COTL1: variants seen among roughly 807,000 people sequenced by gnomAD.
The protein encoded by COTL1 is coactosin-like protein.
COTL1 carries 15 observed loss-of-function variants against 16.5 expected under a neutral mutation model. The observed-to-expected ratio is 0.91, with a 90% CI of 0.61 to 1.40. COTL1 has a LOEUF of 1.40. Ranked by LOEUF, COTL1 falls within the 40% of genes most tolerant of loss-of-function variation. The probability of loss-of-function intolerance (pLI) is 0.00; values close to 1 mark genes in which losing one functional copy is unlikely to be tolerated. For synonymous variants in COTL1, 112 were observed against 85.3 expected (o/e 1.31, Z -1.73); for missense variants, 220 against 201.5 (o/e 1.09, Z -0.56).
At chr16:84,587,003 C>T (rs557678109) in intron 3 of COTL1, among the ~76,000 whole-genome samples, 15 of 152,304 alleles carry the variant, frequency 9.8e-5, no homozygotes, top group African/African-American at 1.7e-4. Context: ...CCTTTCCTCC[C>T]GGCGACGTCC....
intron 2 of COTL1, among the ~76,000 whole-genome samples, chr16:84,600,734 GATCCCCGATTCATTGC>G (rs762610556): frequency 2.0e-5 from 3 of 152,172 alleles, no homozygotes; most frequent in Non-Finnish European, 4.4e-5. Context: ...CTCCTCAAAT[GATCCCCGATTCATTGC>G]ATTTTCACTA....
At chr16:84,581,164 A>ATGTATGTATGTATGTATGTATGT (rs1391540848) in intron 3 of COTL1, among the ~76,000 whole-genome samples, 4,498 of 146,898 alleles carry the variant, frequency 0.031, 98 homozygotes, top group African/African-American at 0.062. Context: ...CAAACAAATA[A>ATGTATGTATGTATGTATGTATGT]ATATATGTAT....
chr16:84,571,013 A>G (rs1904327000), intron 3 of COTL1, among the ~76,000 whole-genome samples: 1 of 150,526 alleles, frequency 6.6e-6, no homozygotes, highest in Non-Finnish European at 1.5e-5. Flanking sequence ...AACTTTAAAC[A>G]TTTCTGAAGA....
At position 84,606,434 on chromosome 16, in the gene COTL1, G is replaced by A. The variant is rs149699463; in HGVS notation, c.160+11067C>T. On this transcript the variant is annotated intron_variant, in intron 2 of 3. Transcript: ENST00000262428. ...CAGGCTGCCAGGTACTGTTCCCAGC[G>A]CTGCCAATACTGCAGAGAACAAAGC... is the stretch of plus-strand genomic sequence containing the variant. 1.3e-3 allele frequency among the ~76,000 whole-genome samples: 197 copies of A among 152,368 alleles called. 1 individual carries two copies. The highest frequency in any genetic ancestry group is 3.7e-3 in the African/African-American group (155 of 41,584).
At chr16:84,588,904 G>T (rs1229695012) in intron 3 of COTL1, among the ~76,000 whole-genome samples, 3 of 152,070 alleles carry the variant, frequency 2.0e-5, no homozygotes, top group Non-Finnish European at 4.4e-5. Context: ...GCATTTTCAT[G>T]ACCTCAAAAA....
At position 84,579,423 on chromosome 16, in the gene COTL1, G is replaced by A. The variant is rs368959705; in HGVS notation, c.318+10682C>T. ...GAATCACTTGAACCACGAGGCAGAG[G>A]TTGCTGTGAGCCGAGATCGTGCCAC... On this transcript the variant is annotated intron_variant, in intron 3 of 3. Transcript: ENST00000262428. Among the ~76,000 whole-genome samples, 7 of 152,284 alleles carry A rather than the reference G, an allele frequency of 4.6e-5. No homozygotes were observed. The East Asian group carries it at 1.4e-3, about 29-fold the overall frequency.
chr16:84,579,401 T>C (rs1202710094), intron 3 of COTL1, among the ~76,000 whole-genome samples: 3 of 152,296 alleles, frequency 2.0e-5, no homozygotes, highest in African/African-American at 2.4e-5. Flanking sequence ...GGCAGGAGAA[T>C]CACTTGAACC....
intron 2 of COTL1, among the ~76,000 whole-genome samples, chr16:84,609,255 G>T (rs1164865459): frequency 4.6e-5 from 7 of 152,126 alleles, no homozygotes; most frequent in Non-Finnish European, 7.4e-5. Flanking sequence ...TGACTCCTTC[G>T]CATTCCAGCT....
In COTL1 at chr16:84,566,667, G is replaced by C; in HGVS notation, c.*178C>G. Reference sequence around the variant, plus strand: ...CCATGAGCGTCATGAGATAGGACACGGCAGGGTTCTAAGGGAAGCGGGAAG... The same window carrying C: ...CCATGAGCGTCATGAGATAGGACACCGCAGGGTTCTAAGGGAAGCGGGAAG... On this transcript the variant is annotated 3_prime_UTR_variant, in exon 4 of 4. Transcript: ENST00000262428. The C allele has an allele frequency of 1.8e-6, 1 of 565,304 alleles. No individual in the cohort carries two copies. 35.0% of individuals were successfully genotyped at this position (565,304 alleles called of 1,614,324 possible).
intron 2 of COTL1, among the ~76,000 whole-genome samples, chr16:84,598,657 A>AC (rs139413763): frequency 0.78 from 107,484 of 137,928 alleles, 42,567 homozygotes; most frequent in Non-Finnish European, 0.86. Context: ...CTCCCCCCCA[A>AC]CCCCCCCCAC....
At chr16:84,607,574 G>A (rs1362077771) in intron 2 of COTL1, among the ~76,000 whole-genome samples, 1 of 152,174 alleles carries the variant, frequency 6.6e-6, no homozygotes. Flanking sequence ...CGTAGGGCCT[G>A]GGACTTGGGC....
At chr16:84,581,745 T>C (rs1188244712) in intron 3 of COTL1, among the ~76,000 whole-genome samples, 1 of 152,154 alleles carries the variant, frequency 6.6e-6, no homozygotes, top group Non-Finnish European at 1.5e-5. Flanking sequence ...CCTCAGGTGA[T>C]CTACCCGCCT....
intron 2 of COTL1, among the ~76,000 whole-genome samples, chr16:84,598,804 C>T (rs1453887604): frequency 3.9e-4 from 12 of 31,114 alleles, no homozygotes; most frequent in South Asian, 2.4e-3. Context: ...GTGGGGGCGG[C>T]GGGGACCAAG....
At chr16:84,586,161 C>T (rs189655652) in intron 3 of COTL1, among the ~76,000 whole-genome samples, 78 of 152,302 alleles carry the variant, frequency 5.1e-4, no homozygotes, top group Middle Eastern at 3.4e-3. Context: ...GGCTGCCTGA[C>T]GCCAACCCCA....
intron 2 of COTL1, among the ~76,000 whole-genome samples, chr16:84,607,500 A>G (rs1385789738): frequency 1.3e-5 from 2 of 152,072 alleles, no homozygotes; most frequent in African/African-American, 4.8e-5. Context: ...TGTGGGTGTC[A>G]CTCTGCTCAT....
rs540408446 is a variant in COTL1, at chr16:84,603,522, C to T, written c.161-13260G>A. ...ATCGGTGACACAGCACGTTGATCCTCATCAGCCAGCTGAGGGGGTGATGCC... is the reference window on the plus strand; with the variant it reads ...ATCGGTGACACAGCACGTTGATCCTTATCAGCCAGCTGAGGGGGTGATGCC... On this transcript the variant is annotated intron_variant, in intron 2 of 3. Coordinates refer to ENST00000262428, the MANE Select transcript of COTL1 (RefSeq NM_021149.5). 2.0e-5 allele frequency among the ~76,000 whole-genome samples: 3 copies of T among 152,264 alleles called. No individual in the cohort carries two copies. The East Asian group carries it at 5.8e-4, about 29-fold the overall frequency.
At chr16:84,600,528 A>T (rs1905087228) in intron 2 of COTL1, among the ~76,000 whole-genome samples, 1 of 152,060 alleles carries the variant, frequency 6.6e-6, no homozygotes, top group South Asian at 2.1e-4. Context: ...GGCCAGGCTG[A>T]TCTCGAACCC....
chr16:84,589,142 A>G (rs1904802312), intron 3 of COTL1, among the ~76,000 whole-genome samples: 2 of 151,156 alleles, frequency 1.3e-5, no homozygotes, highest in Admixed American at 1.3e-4. Context: ...GGCTCATTTT[A>G]TTTTGTTATG....
chr16:84,604,330 C>T (rs1214371346), intron 2 of COTL1, among the ~76,000 whole-genome samples: 2 of 133,486 alleles, frequency 1.5e-5, no homozygotes, highest in African/African-American at 5.8e-5. Context: ...CCTCCCACGG[C>T]CCCCACCCCA....
Sources: allele counts gnomAD v4.1 joint callset (sites outside exome capture counted in the v4.1 genomes callset), GRCh38; gene constraint gnomAD v4.1.1; transcripts MANE v1.5; gene names NCBI Gene and HGNC (gene_info 2026-07-23, HGNC 2026-07-21).